Variants in ACE observed in about 807,000 individuals in gnomAD.
ACE encodes angiotensin I converting enzyme.
ACE carries 122 observed loss-of-function variants against 162.3 expected under a neutral mutation model. The ratio of observed to expected loss-of-function variants is 0.75; its 90% CI spans 0.65 to 0.87. The LOEUF is 0.87. ACE is among the 40% of genes least tolerant of loss of function. The probability of loss-of-function intolerance (pLI) is 0.00; values close to 1 mark genes in which losing one functional copy is unlikely to be tolerated. For missense variants in ACE, 1,799 were observed against 1,735.1 expected (o/e 1.04, Z -0.65); for synonymous variants, 796 against 720.6 (o/e 1.10, Z -1.68).
At chr17:63,489,182 G>T in intron 17 of ACE, 50 bp downstream of exon 17, 5 of 1,590,670 alleles carry the variant, frequency 3.1e-6, no homozygotes, top group Non-Finnish European at 3.4e-6. Context: ...ACCACAGTGT[G>T]AGTGAGGGTT....
At chr17:63,482,351 C>T in intron 7 of ACE, 115 bp from the exon 8 acceptor site, 1 of 914,358 alleles carries the variant, frequency 1.1e-6, no homozygotes, top group East Asian at 2.6e-5. Context: ...CGGCTTCATG[C>T]CCCAGGGCAG....
At position 63,497,850 on chromosome 17, in the gene ACE, A is replaced by ACCG; in HGVS notation, c.*484_*485insCCG. ...ACCGCAGGCAGCCCCTGTCTGGCCC[A>ACCG]AGCACTGACCCACGCGGACTCTGGG... On this transcript the variant is annotated 3_prime_UTR_variant, in exon 25 of 25. Transcript: ENST00000290866. The ACCG allele has an allele frequency of 9.1e-6, 3 of 328,238 alleles. No homozygotes were observed. The highest frequency in any genetic ancestry group is 4.5e-5 in the Admixed American group (1 of 22,332). 20.3% of individuals were successfully genotyped at this position (328,238 alleles called of 1,614,324 possible). A position where few individuals can be genotyped will look rare whatever the true frequency, so the allele number is the denominator to read the frequency against.
At chr17:63,496,667 C>G in intron 23 of ACE, 131 bp from the exon 24 acceptor site, 1 of 1,572,582 alleles carries the variant, frequency 6.4e-7, no homozygotes, top group East Asian at 2.3e-5. Flanking sequence ...ATTGCCATCT[C>G]CTTAGGCACC....
intron 15 of ACE, among the ~76,000 whole-genome samples, chr17:63,487,356 C>T (rs1359542809): frequency 1.3e-5 from 2 of 152,090 alleles, no homozygotes; most frequent in East Asian, 1.9e-4. Context: ...CTCAGAGCAG[C>T]GGGATCTCAA....
Position 63,497,205 on chromosome 17 carries a change from C to T in ACE, c.3760C>T (p.Gln1254Ter). The T allele has an allele frequency of 6.2e-7, 1 of 1,600,818 alleles. No individual in the cohort carries two copies. Among genetic ancestry groups the T allele is most frequent in the African/African-American group, 1.3e-5 (1 of 74,976 alleles). Residue 1254 changes from glutamine (Q) to a stop codon, truncating the protein, a stop_gained, in exon 25 of 25, where the codon CAG (glutamine) becomes TAG (stop). Transcript: ENST00000290866. LOFTEE classifies it high-confidence loss of function. ...CCTGGGCCTGGACCTGGATGCGCAG[C>T]AGGCCCGCGTGGGCCAGTGGCTGCT... ...SFLGLDLDAQ[Q>*]ARVGQWLLLF...
intron 13 of ACE, 56 bp from the exon 14 acceptor site, chr17:63,486,501 T>C: frequency 1.2e-6 from 2 of 1,605,638 alleles, no homozygotes; most frequent in South Asian, 1.1e-5. Flanking sequence ...GGCCTCCCGC[T>C]CAGAGGCTGC....
chr17:63,481,639 C>G lies in ACE; in HGVS notation c.1019C>G (p.Pro340Arg). Reference sequence around the variant, plus strand: ...TCCCTGGAGCTCTCCCCCATGCCTCCCGAGTTCTGGGAAGGGTCGATGCTG... The same window carrying G: ...TCCCTGGAGCTCTCCCCCATGCCTCGCGAGTTCTGGGAAGGGTCGATGCTG... Reference protein sequence around the residue: ...FTSLELSPMPPEFWEGSMLEK... With the variant: ...FTSLELSPMPREFWEGSMLEK... The change falls in exon 7 of 25, where the codon CCC (proline) becomes CGC (arginine). Residue 340 changes from proline to arginine, a missense_variant. Transcript: ENST00000290866. 1 of 1,614,122 alleles carries G rather than the reference C, an allele frequency of 6.2e-7. No individual in the cohort carries two copies. The highest frequency in any genetic ancestry group is 1.1e-5 in the South Asian group (1 of 91,082).
rs1377485279 is a variant in ACE at position 63,489,272 on chromosome 17, G to A, written c.2641+140G>A. 3 of 1,071,112 alleles carry A rather than the reference G, an allele frequency of 2.8e-6. No individual in the cohort carries two copies. The East Asian group carries it at 7.8e-5, about 28-fold the overall frequency. The allele number at this position is 1,071,112 out of a possible 1,614,324, so 66.4% of individuals were successfully genotyped here. A position where few individuals can be genotyped will look rare whatever the true frequency, so the allele number is the denominator to read the frequency against. On this transcript the variant is annotated intron_variant, in intron 17 of 24. Coordinates refer to ENST00000290866, the MANE Select transcript of ACE (RefSeq NM_000789.4). ...CCTGTGGGGGATGGTTGCCCAGGCT[G>A]GAGGGGGGTGGGCGCTGGGAGTGGG...
In ACE at chr17:63,479,806, C is replaced by G. The variant is rs567841514; in HGVS notation, c.549C>G (p.Ala183=). The G allele has an allele frequency of 2.5e-5, 40 of 1,613,462 alleles. No homozygotes were observed. The East Asian group carries it at 7.6e-4, about 31-fold the overall frequency. Residue 183 remains alanine (A), a synonymous_variant, in exon 4 of 25, where the codon GCC becomes GCG. Transcript: ENST00000290866. ...TCCTGGCTTCCTCGCGAAGCTACGC[C>G]ATGCTCCTGTTTGCCTGGGAGGGCT... ...TNILASSRSY[A]MLLFAWEGWH... is the part of the protein sequence containing the mutation.
Position 63,477,240 on chromosome 17 carries a change from TC to T in ACE, c.147del (p.Phe49LeufsTer96). The T allele has an allele frequency of 2.0e-6, 3 of 1,503,158 alleles. No homozygotes were observed. Among genetic ancestry groups the T allele is most frequent in the Non-Finnish European group, 2.7e-6 (3 of 1,128,964 alleles). The allele number at this position is 1,503,158 out of a possible 1,614,324, so 93.1% of individuals were successfully genotyped here. ...GCTGACGAGGCCGGGGCGCAGCTCTTCGCGCAGAGCTACAACTCCAGCGCCG... is the reference window on the plus strand; with the variant it reads ...GCTGACGAGGCCGGGGCGCAGCTCTTGCGCAGAGCTACAACTCCAGCGCCG... The part of the protein sequence containing the change: ...FSADEAGAQL[F>X]AQSYNSSAEQ... On this transcript the variant is annotated frameshift_variant, in exon 1 of 25. Coordinates refer to ENST00000290866, the MANE Select transcript of ACE (RefSeq NM_000789.4). LOFTEE classifies it high-confidence loss of function.
rs756739057 is a variant in ACE, at chr17:63,493,876, G to A, written c.3137-46G>A. The A allele has an allele frequency of 7.4e-6, 12 of 1,613,944 alleles. No individual in the cohort carries two copies. In the South Asian group the frequency reaches 1.3e-4, roughly 18 times the overall value. ...ACCATCACAGGCACACCAGGGCCAA[G>A]CCGCTAGGACCCTGGGTCTGACAGC... On this transcript the variant is annotated intron_variant, in intron 20 of 24. Transcript: ENST00000290866.
chr17:63,481,234 G>GCC (rs2147531159), intron 6 of ACE, 46 bp downstream of exon 6: 24 of 623,866 alleles, frequency 3.8e-5, no homozygotes, highest in Non-Finnish European at 6.3e-5. Context: ...CGGGGGTGGG[G>GCC]CGCAAAAAAA....
At position 63,497,525 on chromosome 17, in the gene ACE, C is replaced by G. The variant is rs1480732404; in HGVS notation, c.*159C>G. 1 of 737,304 alleles carries G rather than the reference C, an allele frequency of 1.4e-6. No individual in the cohort carries two copies. 45.7% of individuals were successfully genotyped at this position (737,304 alleles called of 1,614,324 possible). On this transcript the variant is annotated 3_prime_UTR_variant, in exon 25 of 25. Transcript: ENST00000290866. ...CCTCCCAGTCCTCCAGACCACCAGC[C>G]GCCCCAGCCCCTTCTCCCAGCACAC...
intron 1 of ACE, chr17:63,477,701 C>G (rs2049641435): frequency 1.7e-6 from 1 of 587,734 alleles, no homozygotes; most frequent in Non-Finnish European, 3.0e-6. Flanking sequence ...TCCACTCGCC[C>G]GGCCTCTTTT....
Position 63,491,195 on chromosome 17 carries a change from C to A in ACE, c.2740-14C>A, listed in dbSNP as rs376435760. 1.5e-5 allele frequency: 24 copies of A among 1,613,760 alleles called. No homozygotes were observed. Among genetic ancestry groups the A allele is most frequent in the Admixed American group, 3.3e-5 (2 of 60,006 alleles). On this transcript the variant is annotated splice_polypyrimidine_tract_variant and intron_variant, in intron 18 of 24. Coordinates refer to ENST00000290866, the MANE Select transcript of ACE (RefSeq NM_000789.4). This position sits in a 1 kb window ranked among gnomAD's most constrained non-coding sequence, Gnocchi z 4.4. ...CGGAACCCCCAGTTTGGGCAGAACT[C>A]CCTCTGCTTGCAGGGCTGGACGCCC...
In ACE at chr17:63,493,630, A is replaced by G; in HGVS notation, c.3107A>G (p.Asn1036Ser). ...VSTPKHLHSL[N>S]LLSSEGGSDE... ...ACGCCCAAGCACCTGCACAGTCTCA[A>G]CCTGCTGAGCAGTGAGGGTGGCAGC... The change falls in exon 20 of 25, where the codon AAC becomes AGC. Residue 1036 changes from asparagine to serine, a missense_variant. Coordinates refer to ENST00000290866, the MANE Select transcript of ACE (RefSeq NM_000789.4). 1 of 1,614,130 alleles carries G rather than the reference A, an allele frequency of 6.2e-7. No homozygotes were observed. Among genetic ancestry groups the G allele is most frequent in the Non-Finnish European group, 8.5e-7 (1 of 1,180,012 alleles).
chr17:63,493,419 C>T lies in ACE; in HGVS notation c.2913-17C>T, dbSNP rs561615933. The stretch of plus-strand genomic sequence containing the variant: ...TGTCCTCTCCCAACACCCTCTCCCC[C>T]ACTCCACTATTCCTAGGATCAAGCA... On this transcript the variant is annotated splice_polypyrimidine_tract_variant and intron_variant, in intron 19 of 24. Coordinates refer to ENST00000290866, the MANE Select transcript of ACE (RefSeq NM_000789.4). 6.8e-6 allele frequency: 11 copies of T among 1,612,490 alleles called. No individual in the cohort carries two copies. Among genetic ancestry groups the T allele is most frequent in the Admixed American group, 1.7e-5 (1 of 60,006 alleles).
At chr17:63,480,987 G>A (rs2147530608) in intron 5 of ACE, 104 bp from the exon 6 acceptor site, 1 of 1,120,784 alleles carries the variant, frequency 8.9e-7, no homozygotes, top group Non-Finnish European at 1.4e-6. Context: ...GCCCTTGAGG[G>A]CCCCAGGGTA....
At chr17:63,478,398 G>C in intron 2 of ACE, 1 of 422,066 alleles carries the variant, frequency 2.4e-6, no homozygotes, top group Non-Finnish European at 4.4e-6. Context: ...GGGCGTGGTG[G>C]CTCAAGCCTG....
Sources: gnomAD v4.1 joint callset for allele counts (sites outside exome capture counted in the v4.1 genomes callset) on GRCh38, gnomAD v4.1.1 for gene constraint, Gnocchi (gnomAD v3.1) non-coding constraint, MANE v1.5 for transcripts, NCBI Gene and HGNC (gene_info 2026-07-23, HGNC 2026-07-21) for gene names.